The following AFAP1L1 variants were observed in gnomAD, a reference collection of about 807,000 sequenced individuals.
AFAP1L1 encodes the protein actin filament associated protein 1 like 1.
AFAP1L1 carries 77 observed loss-of-function variants against 99.8 expected under a neutral mutation model. The observed-to-expected ratio is 0.77, with a 90% CI of 0.64 to 0.93. AFAP1L1 has a LOEUF of 0.93. AFAP1L1 is among the 40% of genes least tolerant of loss of function. AFAP1L1 has a pLI of 0.00. For synonymous variants in AFAP1L1, 373 were observed against 395.3 expected, an observed-to-expected ratio of 0.94 and a Z score of 0.67; for missense variants, 893 against 996.8, an observed-to-expected ratio of 0.90 and a Z score of 1.40.
At chr5:149,282,740 A>C (rs1367386193) in intron 1 of AFAP1L1, among the ~76,000 whole-genome samples, 1 of 152,188 alleles carries the variant, frequency 6.6e-6, no homozygotes, top group Non-Finnish European at 1.5e-5. Flanking sequence ...CAACCCCTGG[A>C]TTAGGCTGTA....
intron 14 of AFAP1L1, among the ~76,000 whole-genome samples, chr5:149,321,726 A>AG (rs1756957469): frequency 7.4e-6 from 1 of 135,410 alleles, no homozygotes. Flanking sequence ...CTGTCTCAAA[A>AG]AAAAAAAAAA....
intron 2 of AFAP1L1, 94 bp downstream of exon 2, chr5:149,299,731 C>T (rs1024957091): frequency 1.4e-5 from 21 of 1,547,690 alleles, no homozygotes; most frequent in Non-Finnish European, 1.8e-5. Flanking sequence ...AACCCTCCGC[C>T]CCACCCCCAC....
intron 9 of AFAP1L1, among the ~76,000 whole-genome samples, chr5:149,313,161 T>A (rs1385334505): frequency 6.6e-6 from 1 of 150,946 alleles, no homozygotes; most frequent in Admixed American, 6.6e-5. Flanking sequence ...CGTGCCTGTT[T>A]GGAACATGAG....
intron 1 of AFAP1L1, among the ~76,000 whole-genome samples, chr5:149,279,985 C>T (rs1255211505): frequency 1.3e-5 from 2 of 152,220 alleles, no homozygotes; most frequent in African/African-American, 2.4e-5. Context: ...CAGGGCTCTC[C>T]TCTCCTTGGT....
chr5:149,287,366 G>C, intron 1 of AFAP1L1, among the ~76,000 whole-genome samples: 1 of 152,150 alleles, frequency 6.6e-6, no homozygotes, highest in South Asian at 2.1e-4. Context: ...GGGCAGGGTA[G>C]GCAGGAGGGC....
intron 12 of AFAP1L1, among the ~76,000 whole-genome samples, 174 bp downstream of exon 12, chr5:149,318,114 A>AC (rs1350480673): frequency 6.6e-6 from 1 of 152,180 alleles, no homozygotes; most frequent in Non-Finnish European, 1.5e-5. Context: ...CACACAGGAC[A>AC]CCCACTTAAT....
At chr5:149,337,134 T>C (rs1421187873) in intron 18 of AFAP1L1, among the ~76,000 whole-genome samples, 2 of 152,180 alleles carry the variant, frequency 1.3e-5, no homozygotes, top group African/African-American at 4.8e-5. Flanking sequence ...GAATGGTGGT[T>C]GCCAGAGGCT....
At chr5:149,316,440 A>G in intron 11 of AFAP1L1, 137 bp downstream of exon 11, 1 of 1,052,508 alleles carries the variant, frequency 9.5e-7, no homozygotes, top group Non-Finnish European at 1.4e-6. Flanking sequence ...TGGGAGGCTA[A>G]GCCCCACTCC....
At chr5:149,322,134 G>A (rs1002494997) in intron 14 of AFAP1L1, among the ~76,000 whole-genome samples, 3 of 152,146 alleles carry the variant, frequency 2.0e-5, no homozygotes, top group African/African-American at 7.2e-5. Flanking sequence ...GCTTTCACTG[G>A]ATTTTTAGTA....
intron 9 of AFAP1L1, among the ~76,000 whole-genome samples, chr5:149,314,889 G>A (rs1756749828): frequency 6.6e-6 from 1 of 152,178 alleles, no homozygotes; most frequent in Admixed American, 6.5e-5. Context: ...GCACAGTTCA[G>A]CTTCTTGAAG....
chr5:149,314,071 C>CAAGATTTCTATG (rs1756722240), intron 9 of AFAP1L1, among the ~76,000 whole-genome samples: 1 of 152,150 alleles, frequency 6.6e-6, no homozygotes, highest in Non-Finnish European at 1.5e-5. Flanking sequence ...TATGTTGAGC[C>CAAGATTTCTATG]TTAAGGCATA....
chr5:149,272,611 G>A (rs547515096), intron 1 of AFAP1L1, among the ~76,000 whole-genome samples: 1 of 152,348 alleles, frequency 6.6e-6, no homozygotes, highest in South Asian at 2.1e-4. Context: ...TTTGGTAGAC[G>A]TTTCACAGAA....
chr5:149,300,193 G>C (rs1756152155), intron 2 of AFAP1L1, 78 bp from the exon 3 acceptor site: 1 of 993,476 alleles, frequency 1.0e-6, no homozygotes, highest in Middle Eastern at 2.9e-4. Flanking sequence ...GTCCCATGTG[G>C]GCTAGAAGTA....
chr5:149,320,528 C>T lies in AFAP1L1; in HGVS notation c.1698+65C>T. Reference sequence around the variant, plus strand: ...CACTTATTAGCTCTCCCTCTTTCTGCTCCCTTTACCTTCTGCCTCAGAAAG... The same window carrying T: ...CACTTATTAGCTCTCCCTCTTTCTGTTCCCTTTACCTTCTGCCTCAGAAAG... On this transcript the variant is annotated intron_variant, in intron 14 of 18. Coordinates refer to ENST00000296721, the MANE Select transcript of AFAP1L1 (RefSeq NM_152406.4). This position sits in a 1 kb window ranked among gnomAD's most constrained non-coding sequence, Gnocchi z 4.0. 2 of 1,403,180 alleles carry T rather than the reference C, an allele frequency of 1.4e-6. No homozygotes were observed. Among genetic ancestry groups the T allele is most frequent in the Admixed American group, 1.7e-5 (1 of 58,538 alleles). The allele number at this position is 1,403,180 out of a possible 1,614,324, so 86.9% of individuals were successfully genotyped here. A position where few individuals can be genotyped will look rare whatever the true frequency, so the allele number is the denominator to read the frequency against.
intron 9 of AFAP1L1, among the ~76,000 whole-genome samples, chr5:149,315,362 G>C (rs151044436): frequency 6.6e-6 from 1 of 152,180 alleles, no homozygotes; most frequent in Non-Finnish European, 1.5e-5. Flanking sequence ...TGTCATCTTG[G>C]TTCATGCTCT....
Position 149,329,704 on chromosome 5 carries a change from G to A in AFAP1L1, c.1849G>A (p.Glu617Lys). Residue 617 changes from glutamate (E) to lysine (K), a missense_variant, in exon 16 of 19, where the codon GAG becomes AAG. Glu to Lys is a moderately conservative substitution (Grantham distance 56). Coordinates refer to ENST00000296721, the MANE Select transcript of AFAP1L1 (RefSeq NM_152406.4). ...QYKYGKNRAE[E>K]DARRYLVEKE... is the part of the protein sequence containing the mutation. Reference sequence around the variant, plus strand: ...CAAGTATGGCAAGAACCGAGCCGAGGAGGATGCCCGGAGGTACTTGGTAGA... The same window carrying A: ...CAAGTATGGCAAGAACCGAGCCGAGAAGGATGCCCGGAGGTACTTGGTAGA... The A allele has an allele frequency of 6.2e-7, 1 of 1,614,166 alleles. No individual in the cohort carries two copies.
chr5:149,327,684 G>C (rs1287247447), intron 15 of AFAP1L1, among the ~76,000 whole-genome samples: 2 of 152,064 alleles, frequency 1.3e-5, no homozygotes, highest in East Asian at 3.9e-4. Context: ...AGTAAATTTG[G>C]CCTGGTAGAA....
At position 149,342,694 on chromosome 5, in the gene AFAP1L1, T is replaced by G. The variant is rs550646988; in HGVS notation, c.*2664T>G. Among the ~76,000 whole-genome samples the G allele has an allele frequency of 6.6e-6, 1 of 152,262 alleles. No homozygotes were observed. Among genetic ancestry groups the G allele is most frequent in the East Asian group, 1.9e-4 (1 of 5,178 alleles). On this transcript the variant is annotated 3_prime_UTR_variant, in exon 19 of 19. Transcript: ENST00000296721. The stretch of plus-strand genomic sequence containing the variant: ...TGGGAGGCCGAAGCGGGTGGATCAC[T>G]TGAGGTCAGGAGTTCAAGACCAGCC...
At chr5:149,288,396 G>A (rs1423289853) in intron 1 of AFAP1L1, among the ~76,000 whole-genome samples, 5 of 152,226 alleles carry the variant, frequency 3.3e-5, no homozygotes, top group Admixed American at 3.3e-4. Context: ...ATTATGAGGA[G>A]TAAGTGAGGT....
Sources: allele counts gnomAD v4.1 joint callset (sites outside exome capture counted in the v4.1 genomes callset), GRCh38; gene constraint gnomAD v4.1.1; non-coding constraint Gnocchi (gnomAD v3.1); transcripts MANE v1.5; gene names NCBI Gene and HGNC (gene_info 2026-07-23, HGNC 2026-07-21).